Variants in CDK19 observed in about 807,000 individuals in gnomAD.
CDK19 encodes the protein cyclin dependent kinase 19, also known as cyclin-dependent kinase 19.
CDK19 carries 20 observed loss-of-function variants against 68.3 expected under a neutral mutation model. The observed-to-expected ratio is 0.29, with a 90% CI of 0.21 to 0.43. The LOEUF is 0.43. CDK19 is among the 20% of genes least tolerant of loss of function. The pLI, the probability that CDK19 is intolerant of heterozygous loss-of-function variation, is 1.00. For synonymous variants in CDK19, 221 were observed against 222.8 expected (o/e 0.99, Z 0.07); for missense variants, 339 against 623.5 (o/e 0.54, Z 4.86).
intron 12 of CDK19, among the ~76,000 whole-genome samples, chr6:110,616,294 G>A (rs528016060): frequency 1.2e-4 from 19 of 152,262 alleles, no homozygotes; most frequent in African/African-American, 4.3e-4. Context: ...AGGTCCTCCT[G>A]CTCAGTGCTC....
In CDK19 at chr6:110,723,272, T is replaced by C. The variant is rs191351080; in HGVS notation, c.204+22854A>G. Among the ~76,000 whole-genome samples, 5 of 152,240 alleles carry C rather than the reference T, an allele frequency of 3.3e-5. No homozygotes were observed. The East Asian group carries it at 7.7e-4, about 23-fold the overall frequency. ...ATGCTAGCCTAGGTACCAGACATGT[T>C]GGTGAAAAAGCCATCAAACTATTTT... On this transcript the variant is annotated intron_variant, in intron 2 of 12. Transcript: ENST00000368911.
At chr6:110,733,959 T>A (rs1419001814) in intron 2 of CDK19, among the ~76,000 whole-genome samples, 1 of 152,138 alleles carries the variant, frequency 6.6e-6, no homozygotes, top group Non-Finnish European at 1.5e-5. Flanking sequence ...TTTTAGTTCA[T>A]CTACTGTTTA....
chr6:110,646,060 C>A, intron 4 of CDK19: 1 of 876,534 alleles, frequency 1.1e-6, no homozygotes, highest in Non-Finnish European at 1.8e-6. Context: ...CCTTTGTTGC[C>A]AGGCATGGGC....
At chr6:110,781,630 C>A (rs1204343810) in intron 1 of CDK19, among the ~76,000 whole-genome samples, 1 of 151,974 alleles carries the variant, frequency 6.6e-6, no homozygotes, top group Non-Finnish European at 1.5e-5. Context: ...ATGGCATGAG[C>A]TCAGGAGTTC....
intron 4 of CDK19, among the ~76,000 whole-genome samples, chr6:110,648,017 T>C (rs899260167): frequency 6.6e-6 from 1 of 152,094 alleles, no homozygotes; most frequent in African/African-American, 2.4e-5. Context: ...AAACAGCTGA[T>C]AGAATTTAAC....
At chr6:110,730,701 A>C (rs1277763089) in intron 2 of CDK19, among the ~76,000 whole-genome samples, 1 of 152,228 alleles carries the variant, frequency 6.6e-6, no homozygotes, top group African/African-American at 2.4e-5. Flanking sequence ...GAACCTCAGT[A>C]GTCAAAGTGT....
intron 12 of CDK19, among the ~76,000 whole-genome samples, chr6:110,617,623 A>G (rs1211393886): frequency 2.0e-5 from 3 of 149,134 alleles, no homozygotes; most frequent in African/African-American, 7.4e-5. Context: ...GTCTTTACTT[A>G]AAAAAATAAT....
intron 12 of CDK19, among the ~76,000 whole-genome samples, chr6:110,616,668 C>CA (rs879456168): frequency 0.049 from 6,057 of 122,808 alleles, 167 homozygotes; most frequent in African/African-American, 0.089. Context: ...GACTCCATCT[C>CA]AAAAAAAAAA....
chr6:110,795,113 G>C (rs959859496), intron 1 of CDK19, among the ~76,000 whole-genome samples: 2 of 152,110 alleles, frequency 1.3e-5, no homozygotes, highest in Non-Finnish European at 2.9e-5. Flanking sequence ...TGGGACTACA[G>C]GTGCATGTCA....
intron 1 of CDK19, among the ~76,000 whole-genome samples, chr6:110,801,236 G>A (rs1390609203): frequency 6.6e-6 from 1 of 152,142 alleles, no homozygotes; most frequent in African/African-American, 2.4e-5. Context: ...GTAATCAGCA[G>A]CACTTTGGGA....
At chr6:110,636,341 T>C (rs935586814) in intron 5 of CDK19, among the ~76,000 whole-genome samples, 1 of 152,224 alleles carries the variant, frequency 6.6e-6, no homozygotes, top group African/African-American at 2.4e-5. Flanking sequence ...CCATAACTTA[T>C]CAATTTCCTA....
At chr6:110,744,860 T>A (rs1323072463) in intron 2 of CDK19, among the ~76,000 whole-genome samples, 3 of 152,200 alleles carry the variant, frequency 2.0e-5, no homozygotes, top group Non-Finnish European at 2.9e-5. Flanking sequence ...TCCCACCCCA[T>A]GTGTTCTTTG....
chr6:110,737,927 G>A (rs1777363692), intron 2 of CDK19, among the ~76,000 whole-genome samples: 1 of 151,970 alleles, frequency 6.6e-6, no homozygotes, highest in Non-Finnish European at 1.5e-5. Context: ...TCACACCAAA[G>A]AACAGATCTT....
intron 2 of CDK19, among the ~76,000 whole-genome samples, chr6:110,720,657 A>G (rs1775796366): frequency 6.6e-6 from 1 of 152,146 alleles, no homozygotes; most frequent in South Asian, 2.1e-4. Flanking sequence ...ACCTGAGGTC[A>G]GGAATTCGAG....
At chr6:110,636,588 G>C (rs1185902764) in intron 5 of CDK19, among the ~76,000 whole-genome samples, 1 of 152,196 alleles carries the variant, frequency 6.6e-6, no homozygotes, top group African/African-American at 2.4e-5. Context: ...CAGGCCACTT[G>C]ATTTGGTAAA....
intron 11 of CDK19, 66 bp downstream of exon 11, chr6:110,622,022 G>T (rs1409800569): frequency 3.6e-6 from 3 of 832,248 alleles, no homozygotes; most frequent in African/African-American, 1.7e-5. Flanking sequence ...ATTATGGAAC[G>T]ATACCTAAAC....
chr6:110,686,643 T>C (rs2114550494), intron 2 of CDK19, among the ~76,000 whole-genome samples: 1 of 152,328 alleles, frequency 6.6e-6, no homozygotes, highest in East Asian at 1.9e-4. Flanking sequence ...GTTGGTTAAA[T>C]GAAATTTATT....
At chr6:110,644,486 T>C (rs1278456138) in intron 4 of CDK19, among the ~76,000 whole-genome samples, 2 of 152,124 alleles carry the variant, frequency 1.3e-5, no homozygotes, top group South Asian at 2.1e-4. Flanking sequence ...ACTAATTTAA[T>C]TGTACTTTTA....
chr6:110,717,165 T>C (rs533252422), intron 2 of CDK19, among the ~76,000 whole-genome samples: 1 of 152,084 alleles, frequency 6.6e-6, no homozygotes, highest in East Asian at 1.9e-4. Context: ...ATAGAACGTA[T>C]GAGTTTTGTG....
Sources: gnomAD v4.1 joint callset for allele counts (sites outside exome capture counted in the v4.1 genomes callset) on GRCh38, gnomAD v4.1.1 for gene constraint, MANE v1.5 for transcripts, NCBI Gene and HGNC (gene_info 2026-07-23, HGNC 2026-07-21) for gene names.